TSPAN9: variants seen among roughly 807,000 people sequenced by gnomAD.
TSPAN9 encodes tetraspanin 9, also known as tetraspanin-9.
TSPAN9 carries 16 observed loss-of-function variants against 31.0 expected under a neutral mutation model. The observed-to-expected ratio is 0.52, with a 90% confidence interval of 0.35 to 0.78. The LOEUF (loss-of-function observed/expected upper bound fraction) is 0.78, where lower values mean the gene tolerates loss of function less well. Among genes scored for constraint, TSPAN9 ranks in the 30% least tolerant of loss-of-function variants. TSPAN9 has a pLI of 0.01. For synonymous variants in TSPAN9, 145 were observed against 121.6 expected (o/e 1.19, Z -1.27); for missense variants, 272 against 312.5 (o/e 0.87, Z 0.98).
At chr12:3,277,853 C>G (rs555612108) in intron 3 of TSPAN9, among the ~76,000 whole-genome samples, 1 of 152,388 alleles carries the variant, frequency 6.6e-6, no homozygotes, top group African/African-American at 2.4e-5. Flanking sequence ...TGACTGCCTC[C>G]TTTCTCCATC....
At chr12:3,178,001 G>C (rs945308122) in intron 2 of TSPAN9, among the ~76,000 whole-genome samples, 3 of 152,194 alleles carry the variant, frequency 2.0e-5, no homozygotes, top group Non-Finnish European at 4.4e-5. Context: ...GCCCTCAGTC[G>C]TGCAGGTTTC....
In TSPAN9 at chr12:3,239,425, TCTTAA is replaced by T. The variant is rs531265753; in HGVS notation, c.63+38173_63+38177del. 3.3e-5 allele frequency among the ~76,000 whole-genome samples: 5 copies of T among 152,284 alleles called. No individual in the cohort carries two copies. The South Asian group carries it at 1.0e-3, about 32-fold the overall frequency. The stretch of plus-strand genomic sequence containing the variant: ...GGCAGCACCTTCTTTCCCCTCTTGG[TCTTAA>T]CTTTTACCCTCATTAACATGATCAT... On this transcript the variant is annotated intron_variant, in intron 3 of 8. Coordinates refer to ENST00000011898, the MANE Select transcript of TSPAN9 (RefSeq NM_006675.5).
intron 2 of TSPAN9, among the ~76,000 whole-genome samples, chr12:3,116,299 C>G (rs1565581235): frequency 6.6e-6 from 1 of 152,186 alleles, no homozygotes; most frequent in Admixed American, 6.5e-5. Flanking sequence ...GCTGCCTGGA[C>G]ATTTGACCTT....
intron 2 of TSPAN9, among the ~76,000 whole-genome samples, chr12:3,158,721 C>CAAAAAAA (rs765787475): frequency 3.5e-5 from 2 of 57,886 alleles, no homozygotes; most frequent in African/African-American, 7.2e-5. Flanking sequence ...GACTCTGTCT[C>CAAAAAAA]AAAAAAAAAA....
rs565557776 is a variant in TSPAN9 at position 3,265,648 on chromosome 12, C to G, written c.64-12773C>G. Among the ~76,000 whole-genome samples the G allele has an allele frequency of 1.2e-4, 19 of 152,342 alleles. No homozygotes were observed. In the South Asian group the frequency reaches 2.7e-3, roughly 22 times the overall value. ...CCTGCCTGCTGTGGCCGTGCGCCCCCTCCTTTCCCCACGCCACCACCTGGG... is the reference window on the plus strand; with the variant it reads ...CCTGCCTGCTGTGGCCGTGCGCCCCGTCCTTTCCCCACGCCACCACCTGGG... On this transcript the variant is annotated intron_variant, in intron 3 of 8. Transcript: ENST00000011898.
At chr12:3,177,898 G>A (rs1003890165) in intron 2 of TSPAN9, among the ~76,000 whole-genome samples, 4 of 152,228 alleles carry the variant, frequency 2.6e-5, no homozygotes, top group Admixed American at 2.6e-4. Context: ...GTGACGGCCA[G>A]TGTCCTCGTC....
intron 3 of TSPAN9, among the ~76,000 whole-genome samples, chr12:3,273,846 C>T (rs757626685): frequency 1.3e-5 from 2 of 152,248 alleles, no homozygotes; most frequent in Non-Finnish European, 2.9e-5. Flanking sequence ...GCCATCACCT[C>T]CTCCCTCCTG....
At chr12:3,261,769 G>A (rs1027924715) in intron 3 of TSPAN9, among the ~76,000 whole-genome samples, 2 of 152,192 alleles carry the variant, frequency 1.3e-5, no homozygotes, top group African/African-American at 4.8e-5. Flanking sequence ...AGGGGTACCT[G>A]CACCTGGTGC....
At chr12:3,099,936 G>T (rs1020341776) in intron 2 of TSPAN9, among the ~76,000 whole-genome samples, 1 of 151,494 alleles carries the variant, frequency 6.6e-6, no homozygotes, top group Admixed American at 6.6e-5. Context: ...CTGCCTCCCG[G>T]GTTCATGCCA....
chr12:3,197,676 G>T (rs958978109), intron 2 of TSPAN9, among the ~76,000 whole-genome samples: 1 of 150,340 alleles, frequency 6.7e-6, no homozygotes, highest in Non-Finnish European at 1.5e-5. Context: ...CACCAGCACA[G>T]GTCACCACCA....
At chr12:3,122,705 G>C (rs1372032180) in intron 2 of TSPAN9, among the ~76,000 whole-genome samples, 1 of 152,134 alleles carries the variant, frequency 6.6e-6, no homozygotes, top group African/African-American at 2.4e-5. Flanking sequence ...GGGAGGTGGC[G>C]TCCACTTTTG....
chr12:3,223,932 G>C (rs2098385853), intron 3 of TSPAN9, among the ~76,000 whole-genome samples: 1 of 152,264 alleles, frequency 6.6e-6, no homozygotes, highest in South Asian at 2.1e-4. Context: ...GAAATTCTGT[G>C]TCATTGGTCT....
At chr12:3,275,560 CTATT>C (rs1862766609) in intron 3 of TSPAN9, among the ~76,000 whole-genome samples, 1 of 152,248 alleles carries the variant, frequency 6.6e-6, no homozygotes, top group African/African-American at 2.4e-5. Context: ...GTCAGAGTGA[CTATT>C]TGGATGAAAG....
chr12:3,090,229 G>T (rs1045031235), intron 2 of TSPAN9, among the ~76,000 whole-genome samples: 1 of 151,994 alleles, frequency 6.6e-6, no homozygotes, highest in African/African-American at 2.4e-5. Flanking sequence ...CGTAGTTGGC[G>T]CAGACTTGCT....
intron 3 of TSPAN9, among the ~76,000 whole-genome samples, chr12:3,202,529 GA>G (rs2098372542): frequency 6.6e-6 from 1 of 152,224 alleles, no homozygotes; most frequent in Non-Finnish European, 1.5e-5. Context: ...CTTCTTGTGT[GA>G]CCTTGGGCAA....
At chr12:3,144,166 T>C (rs2098336123) in intron 2 of TSPAN9, among the ~76,000 whole-genome samples, 1 of 152,152 alleles carries the variant, frequency 6.6e-6, no homozygotes, top group South Asian at 2.1e-4. Context: ...AGTGGTGCGA[T>C]CTTGGCTCAG....
At chr12:3,222,678 C>T (rs2098385164) in intron 3 of TSPAN9, among the ~76,000 whole-genome samples, 2 of 152,214 alleles carry the variant, frequency 1.3e-5, no homozygotes, top group Admixed American at 6.5e-5. Context: ...CTGCCAAGAG[C>T]ATACCTGATG....
chr12:3,273,513 G>A (rs976694009), intron 3 of TSPAN9, among the ~76,000 whole-genome samples: 25 of 152,328 alleles, frequency 1.6e-4, no homozygotes, highest in African/African-American at 6.0e-4. Context: ...TTGTCCCATC[G>A]TGGGCTAGAT....
rs563135434 is a variant in TSPAN9, at chr12:3,161,309, A to G, written c.-17-39868A>G. 6.6e-5 allele frequency among the ~76,000 whole-genome samples: 10 copies of G among 152,358 alleles called. No individual in the cohort carries two copies. In the South Asian group the frequency reaches 2.1e-3, roughly 32 times the overall value. On this transcript the variant is annotated intron_variant, in intron 2 of 8. Coordinates refer to ENST00000011898, the MANE Select transcript of TSPAN9 (RefSeq NM_006675.5). ...TTTTTGGTGTCATATCTAAGGCATA[A>G]TTGCCAAACCCAAGGTCACAAAGAG... is the stretch of plus-strand genomic sequence containing the variant.
Sources: gnomAD v4.1 joint callset for allele counts (sites outside exome capture counted in the v4.1 genomes callset) on GRCh38, gnomAD v4.1.1 for gene constraint, MANE v1.5 for transcripts, NCBI Gene and HGNC (gene_info 2026-07-23, HGNC 2026-07-21) for gene names.